Variants in NRDE2 observed in about 807,000 individuals in gnomAD.
NRDE2 encodes NRDE-2, necessary for RNA interference, domain containing.
A neutral mutation model predicts 124.2 loss-of-function variants in NRDE2; 76 were observed. That is an observed-to-expected ratio of 0.61 (90% CI 0.51 to 0.74). The LOEUF is 0.74. Ranked by LOEUF, NRDE2 falls within the 30% of genes least tolerant of loss-of-function variation. The probability of loss-of-function intolerance (pLI) is 0.00; values close to 1 mark genes in which losing one functional copy is unlikely to be tolerated. For missense variants in NRDE2, 1,314 were observed against 1,417.3 expected, an observed-to-expected ratio of 0.93 and a Z score of 1.17; for synonymous variants, 489 against 528.1, an observed-to-expected ratio of 0.93 and a Z score of 1.01.
intron 4 of NRDE2, among the ~76,000 whole-genome samples, chr14:90,311,824 T>C (rs1268897971): frequency 1.3e-5 from 2 of 152,114 alleles, no homozygotes; most frequent in Non-Finnish European, 2.9e-5. Flanking sequence ...GTTTACAAAT[T>C]TGGGTTGGAC....
intron 4 of NRDE2, among the ~76,000 whole-genome samples, chr14:90,305,688 T>G (rs933691603): frequency 3.3e-5 from 5 of 152,216 alleles, no homozygotes; most frequent in Admixed American, 1.3e-4. Context: ...GAGTACACAC[T>G]GTATAATTCC....
rs1052314513 is a variant in NRDE2, at chr14:90,268,673, G to A, written c.*9663C>T. 5 of 366,208 alleles carry A rather than the reference G, an allele frequency of 1.4e-5. No homozygotes were observed. The Admixed American group carries it at 2.2e-4, about 16-fold the overall frequency. 22.7% of individuals were successfully genotyped at this position (366,208 alleles called of 1,614,324 possible). A position where few individuals can be genotyped will look rare whatever the true frequency, so the allele number is the denominator to read the frequency against. On this transcript the variant is annotated 3_prime_UTR_variant, in exon 14 of 14. Coordinates refer to ENST00000354366, the MANE Select transcript of NRDE2 (RefSeq NM_017970.4). ...TGATCCAGGACCATCTGGACTCTAG[G>A]GACACAGTTGTGAGCACAAGTCTCT...
At chr14:90,303,880 G>A in intron 5 of NRDE2, 55 bp downstream of exon 5, 2 of 1,495,074 alleles carry the variant, frequency 1.3e-6, no homozygotes, top group Non-Finnish European at 9.0e-7. Context: ...CCATCAGTTT[G>A]CCCAAAATCA....
intron 8 of NRDE2, among the ~76,000 whole-genome samples, chr14:90,297,697 G>A (rs1884225749): frequency 6.6e-6 from 1 of 152,162 alleles, no homozygotes; most frequent in East Asian, 1.9e-4. Flanking sequence ...ACTTTGGGAG[G>A]CTGAGGCAGG....
intron 1 of NRDE2, among the ~76,000 whole-genome samples, chr14:90,327,560 A>G (rs1008163646): frequency 1.4e-5 from 2 of 142,090 alleles, no homozygotes; most frequent in African/African-American, 3.1e-5. Context: ...AAAAAAAGAA[A>G]AAAAAAAAAA....
chr14:90,272,216 C>A lies in NRDE2; in HGVS notation c.*6120G>T. ...GCCTCAGAATAGGTTTTTTGGAATTCCTTGTTAGAATAAAAATGAGTATGT... is the reference window on the plus strand; with the variant it reads ...GCCTCAGAATAGGTTTTTTGGAATTACTTGTTAGAATAAAAATGAGTATGT... On this transcript the variant is annotated 3_prime_UTR_variant, in exon 14 of 14. Transcript: ENST00000354366. The surrounding 1 kb of genome is among the most constrained non-coding windows in gnomAD (Gnocchi z 4.5). 6.3e-7 allele frequency: 1 copy of A among 1,585,772 alleles called. No individual in the cohort carries two copies. The highest frequency in any genetic ancestry group is 1.2e-5 in the South Asian group (1 of 86,420).
In NRDE2 at chr14:90,301,365, A is replaced by G; in HGVS notation, c.1419T>C (p.Phe473=). 1 of 1,613,880 alleles carries G rather than the reference A, an allele frequency of 6.2e-7. No individual in the cohort carries two copies. Among genetic ancestry groups the G allele is most frequent in the South Asian group, 1.1e-5 (1 of 91,068 alleles). ...GCCGCAGAAAGTGGCACTGCTGAAG[A>G]AAGAGTGCTGCGAACAGGAGGGCAA... is the stretch of plus-strand genomic sequence containing the variant. ...PGTEEAMFAL[F]LQQCHFLRQA... is the part of the protein sequence containing the mutation. The change falls in exon 7 of 14, where the codon TTT becomes TTC. Residue 473 remains phenylalanine (F), a synonymous_variant. Transcript: ENST00000354366.
At position 90,286,376 on chromosome 14, in the gene NRDE2, C is replaced by T; in HGVS notation, c.3275G>A (p.Trp1092Ter). Residue 1092 changes from tryptophan to a stop codon, truncating the protein, a stop_gained, in exon 12 of 14, where the codon TGG becomes TAG. Coordinates refer to ENST00000354366, the MANE Select transcript of NRDE2 (RefSeq NM_017970.4). LOFTEE classifies it high-confidence loss of function. ...SDSGSQCPLL[W>*]RMYLNFLVSL... ...TACCAGAAAGTTCAAATACATCCTC[C>T]ACAGCAAGGGGCACTGGCTGCCACT... 1 of 1,613,890 alleles carries T rather than the reference C, an allele frequency of 6.2e-7. No homozygotes were observed.
chr14:90,315,235 G>GTGA (rs578104621), intron 3 of NRDE2, among the ~76,000 whole-genome samples: 57 of 148,624 alleles, frequency 3.8e-4, no homozygotes, highest in Non-Finnish European at 5.0e-4. Context: ...GCTGGGTGTG[G>GTGA]TGATGCATGC....
At chr14:90,322,599 T>C (rs542431093) in intron 1 of NRDE2, among the ~76,000 whole-genome samples, 39 of 152,338 alleles carry the variant, frequency 2.6e-4, no homozygotes, top group Middle Eastern at 3.4e-3. Flanking sequence ...CCTTTCTTCA[T>C]TGTAAATGTA....
At chr14:90,324,426 A>G (rs1234857543) in intron 1 of NRDE2, among the ~76,000 whole-genome samples, 1 of 152,146 alleles carries the variant, frequency 6.6e-6, no homozygotes, top group Non-Finnish European at 1.5e-5. Context: ...CTGCAATCCC[A>G]GCACTTTGGG....
At chr14:90,319,085 T>G (rs1260727278) in intron 1 of NRDE2, among the ~76,000 whole-genome samples, 1 of 152,204 alleles carries the variant, frequency 6.6e-6, no homozygotes, top group Non-Finnish European at 1.5e-5. Context: ...CCTAATTTCT[T>G]ACTTTTCTAC....
At chr14:90,279,227 G>C (rs1595052009) in intron 12 of NRDE2, 94 bp from the exon 13 acceptor site, 2 of 930,248 alleles carry the variant, frequency 2.1e-6, no homozygotes, top group Non-Finnish European at 3.5e-6. Flanking sequence ...CAAGCCCTCA[G>C]CTGCAGTGAG....
chr14:90,301,323 C>T lies in NRDE2; in HGVS notation c.1461G>A (p.Glu487=), dbSNP rs772288387. Residue 487 remains glutamate (E), a synonymous_variant, in exon 7 of 14, where the codon GAG becomes GAA. Transcript: ENST00000354366. ...CHFLRQAGHS[E]KAISLFQAMV... Reference sequence around the variant, plus strand: ...TGGCCTGGAACAATGAGATGGCCTTCTCAGAGTGGCCAGCCTGCCGCAGAA... The same window carrying T: ...TGGCCTGGAACAATGAGATGGCCTTTTCAGAGTGGCCAGCCTGCCGCAGAA... 1 of 1,613,658 alleles carries T rather than the reference C, an allele frequency of 6.2e-7. No homozygotes were observed. Among genetic ancestry groups the T allele is most frequent in the African/African-American group, 1.3e-5 (1 of 74,890 alleles).
At chr14:90,287,062 A>AG (rs1197154623) in intron 11 of NRDE2, among the ~76,000 whole-genome samples, 21 of 150,010 alleles carry the variant, frequency 1.4e-4, no homozygotes, top group Non-Finnish European at 2.5e-4. Flanking sequence ...AAAAAAAAAA[A>AG]AGAGAAAGAA....
intron 8 of NRDE2, among the ~76,000 whole-genome samples, chr14:90,293,987 A>G (rs1892342390): frequency 6.6e-6 from 1 of 152,186 alleles, no homozygotes; most frequent in Admixed American, 6.5e-5. Flanking sequence ...ACAAAAACCT[A>G]TATGCTAATA....
In NRDE2 at chr14:90,311,422, T is replaced by C. The variant is rs527763631; in HGVS notation, c.557+972A>G. ...GGCTTGGTGGGAGGTAATTGAATCA[T>C]GGGGGCAGGTCTTTCCTGTGCTGTT... On this transcript the variant is annotated intron_variant, in intron 4 of 13. Coordinates refer to ENST00000354366, the MANE Select transcript of NRDE2 (RefSeq NM_017970.4). Among the ~76,000 whole-genome samples, 4 of 152,188 alleles carry C rather than the reference T, an allele frequency of 2.6e-5. No individual in the cohort carries two copies. In the East Asian group the frequency reaches 7.7e-4, roughly 29 times the overall value.
Position 90,278,175 on chromosome 14 carries a change from G to C in NRDE2, c.*161C>G. On this transcript the variant is annotated 3_prime_UTR_variant, in exon 14 of 14. Transcript: ENST00000354366. ...TTTGTGTCATTTACACACCCAAAAA[G>C]TGTGCAAGATGTGAGAGGCTGGCAG... is the stretch of plus-strand genomic sequence containing the variant. 1 of 732,522 alleles carries C rather than the reference G, an allele frequency of 1.4e-6. No homozygotes were observed. The highest frequency in any genetic ancestry group is 2.2e-6 in the Non-Finnish European group (1 of 450,828). The allele number at this position is 732,522 out of a possible 1,614,324, so 45.4% of individuals were successfully genotyped here. A position where few individuals can be genotyped will look rare whatever the true frequency, so the allele number is the denominator to read the frequency against.
rs193007606 is a variant in NRDE2 at position 90,288,906 on chromosome 14, G to A, written c.2469C>T (p.Leu823=). ...RELKDSDLCE[L]SLLYAELEVE... Reference sequence around the variant, plus strand: ...CCTCCAGCTCAGCATAGAGCAGACTGAGCTCACAGAGGTCAGAGTCTTTCA... The same window carrying A: ...CCTCCAGCTCAGCATAGAGCAGACTAAGCTCACAGAGGTCAGAGTCTTTCA... The change falls in exon 11 of 14, where the codon CTC becomes CTT. Residue 823 remains leucine (L), a synonymous_variant. Transcript: ENST00000354366. 9.3e-6 allele frequency: 15 copies of A among 1,614,012 alleles called. No individual in the cohort carries two copies. The highest frequency in any genetic ancestry group is 1.3e-5 in the Non-Finnish European group (15 of 1,179,880).
Sources: gnomAD v4.1 joint callset for allele counts (sites outside exome capture counted in the v4.1 genomes callset) on GRCh38, gnomAD v4.1.1 for gene constraint, Gnocchi (gnomAD v3.1) non-coding constraint, MANE v1.5 for transcripts, NCBI Gene and HGNC (gene_info 2026-07-23, HGNC 2026-07-21) for gene names.